TMEM131: variants seen among roughly 807,000 people sequenced by gnomAD.
TMEM131 encodes transmembrane protein 131, also known as 2610524E03Rik.
Under a neutral mutation model 211.6 loss-of-function variants are expected in TMEM131, and 66 were observed. The ratio of observed to expected loss-of-function variants is 0.31; its 90% confidence interval spans 0.26 to 0.38. The LOEUF (loss-of-function observed/expected upper bound fraction) is 0.38, where lower values mean the gene tolerates loss of function less well. Ranked by LOEUF, TMEM131 falls within the 10% of genes least tolerant of loss-of-function variation. The probability of loss-of-function intolerance (pLI) is 1.00; values close to 1 mark genes in which losing one functional copy is unlikely to be tolerated. For missense variants in TMEM131, 2,036 were observed against 2,299.3 expected, an observed-to-expected ratio of 0.89 and a Z score of 2.34; for synonymous variants, 844 against 841.3, an observed-to-expected ratio of 1.00 and a Z score of -0.06.
intron 1 of TMEM131, among the ~76,000 whole-genome samples, chr2:97,987,784 T>C (rs1461498041): frequency 6.6e-6 from 1 of 152,206 alleles, no homozygotes; most frequent in Non-Finnish European, 1.5e-5. Context: ...GAAAGATTTG[T>C]ACACTGAAAA....
chr2:97,932,185 T>G (rs1194173736), intron 1 of TMEM131, among the ~76,000 whole-genome samples: 1 of 151,868 alleles, frequency 6.6e-6, no homozygotes. Flanking sequence ...GAATTCAACA[T>G]TGTTAAATAC....
chr2:97,860,859 T>C (rs1025065876), intron 4 of TMEM131, among the ~76,000 whole-genome samples: 78 of 152,218 alleles, frequency 5.1e-4, no homozygotes, highest in African/African-American at 1.9e-3. Context: ...TTTAACTTCA[T>C]ATCACTGAAA....
intron 3 of TMEM131, among the ~76,000 whole-genome samples, chr2:97,891,382 G>C (rs371899049): frequency 2.0e-4 from 30 of 152,060 alleles, no homozygotes; most frequent in African/African-American, 6.5e-4. Flanking sequence ...AGTGTGCTGG[G>C]CTCACCCTTT....
chr2:97,760,904 T>C lies in TMEM131; in HGVS notation c.4900A>G (p.Ile1634Val), dbSNP rs1248342879. The part of the protein sequence containing the change: ...VNSSSSSDPK[I>V]KQPNGSKHKL... ...TGTTTGCTTCCATTTGGCTGTTTTATTTTAGGGTCACTTGAAAAAGAAGCA... is the reference window on the plus strand; with the variant it reads ...TGTTTGCTTCCATTTGGCTGTTTTACTTTAGGGTCACTTGAAAAAGAAGCA... Residue 1634 changes from isoleucine to valine, a missense_variant, in exon 37 of 41, where the codon ATA becomes GTA. By Grantham distance (29) the Ile-to-Val change is conservative. Around this residue, in one of 3 missense-constraint regions of TMEM131, gnomAD observed 1,623 missense variants for 1,805.9 expected, o/e 0.90. Coordinates refer to ENST00000186436, the MANE Select transcript of TMEM131 (RefSeq NM_015348.2). 20 of 1,613,872 alleles carry C rather than the reference T, an allele frequency of 1.2e-5. No individual in the cohort carries two copies. The East Asian group carries it at 4.5e-4, about 36-fold the overall frequency.
chr2:97,977,189 C>A (rs1310666611), intron 1 of TMEM131, among the ~76,000 whole-genome samples: 13 of 152,164 alleles, frequency 8.5e-5, no homozygotes, highest in Admixed American at 8.5e-4. Context: ...CAATTAAAAA[C>A]TTCTGCTCTT....
At chr2:97,771,781 T>C (rs1275778787) in intron 33 of TMEM131, among the ~76,000 whole-genome samples, 1 of 152,172 alleles carries the variant, frequency 6.6e-6, no homozygotes, top group Non-Finnish European at 1.5e-5. Context: ...TCCCATTCCA[T>C]GGGGAGGAAC....
chr2:97,977,960 G>A (rs1359756493), intron 1 of TMEM131, among the ~76,000 whole-genome samples: 8 of 152,040 alleles, frequency 5.3e-5, no homozygotes, highest in South Asian at 2.1e-4. Flanking sequence ...GGTGGGGGGC[G>A]CCTGCAATCC....
rs1468315490 is a variant in TMEM131, at chr2:97,796,954, A to G, written c.2903T>C (p.Val968Ala). ...NNLTVMDAVMVQGQGTTENLR... is the reference protein window; with the variant it reads ...NNLTVMDAVMAQGQGTTENLR... Reference sequence around the variant, plus strand: ...GTTCTCAGTTGTTCCTTGTCCTTGGACCATCACAGCATCCATCACAGTCAG... The same window carrying G: ...GTTCTCAGTTGTTCCTTGTCCTTGGGCCATCACAGCATCCATCACAGTCAG... Residue 968 changes from valine (V) to alanine (A), a missense_variant, in exon 27 of 41, where the codon GTC becomes GCC. Physicochemically the swap from Val to Ala is moderately conservative, Grantham distance 64. Coordinates refer to ENST00000186436, the MANE Select transcript of TMEM131 (RefSeq NM_015348.2). 3.7e-6 allele frequency: 6 copies of G among 1,613,832 alleles called. No individual in the cohort carries two copies. Among genetic ancestry groups the G allele is most frequent in the Non-Finnish European group, 5.1e-6 (6 of 1,179,870 alleles).
chr2:97,964,773 G>C (rs1298380296), intron 1 of TMEM131, among the ~76,000 whole-genome samples: 1 of 152,150 alleles, frequency 6.6e-6, no homozygotes, highest in Non-Finnish European at 1.5e-5. Context: ...CAAATCCTGG[G>C]AAGGAAGATA....
chr2:97,772,307 C>T lies in TMEM131; in HGVS notation c.4438G>A (p.Val1480Met), dbSNP rs374618967. The change falls in exon 33 of 41, where the codon GTG (valine) becomes ATG (methionine). Residue 1480 changes from valine (V) to methionine (M), a missense_variant. Coordinates refer to ENST00000186436, the MANE Select transcript of TMEM131 (RefSeq NM_015348.2). ...LNIKKEIPTD[V>M]KPSSLELPYT... Reference sequence around the variant, plus strand: ...ACTTATTTCTCTCACCTGGGTTTCACATCTGTTGGGATTTCTTTCTTAATA... The same window carrying T: ...ACTTATTTCTCTCACCTGGGTTTCATATCTGTTGGGATTTCTTTCTTAATA... The T allele has an allele frequency of 1.2e-6, 2 of 1,602,046 alleles. No individual in the cohort carries two copies. Among genetic ancestry groups the T allele is most frequent in the Non-Finnish European group, 1.7e-6 (2 of 1,177,280 alleles).
chr2:97,796,622 T>C (rs1202193874), intron 27 of TMEM131, among the ~76,000 whole-genome samples: 1 of 152,248 alleles, frequency 6.6e-6, no homozygotes, highest in Non-Finnish European at 1.5e-5. Flanking sequence ...CATTTCATAC[T>C]GAGAGTAAAT....
At chr2:97,855,351 C>T (rs571534309) in intron 5 of TMEM131, among the ~76,000 whole-genome samples, 5 of 152,278 alleles carry the variant, frequency 3.3e-5, no homozygotes, top group African/African-American at 7.2e-5. Context: ...TGCTTTATTC[C>T]GGCTCTTATT....
chr2:97,925,246 A>C (rs981161674), intron 2 of TMEM131, among the ~76,000 whole-genome samples: 1 of 152,222 alleles, frequency 6.6e-6, no homozygotes, highest in African/African-American at 2.4e-5. Context: ...CTTGTAAATG[A>C]AAGAATCTTT....
intron 4 of TMEM131, among the ~76,000 whole-genome samples, chr2:97,875,078 A>G (rs1389567929): frequency 2.0e-5 from 3 of 152,184 alleles, no homozygotes; most frequent in South Asian, 2.1e-4. Context: ...AATCTCTGAT[A>G]AAACAGACTT....
intron 5 of TMEM131, among the ~76,000 whole-genome samples, chr2:97,844,552 G>A (rs1683337312): frequency 6.6e-6 from 1 of 152,108 alleles, no homozygotes; most frequent in Admixed American, 6.6e-5. Flanking sequence ...GCTGTTCCAC[G>A]ATGAGACAAT....
chr2:97,767,203 T>C (rs1051282744), intron 33 of TMEM131, among the ~76,000 whole-genome samples: 1 of 152,236 alleles, frequency 6.6e-6, no homozygotes, highest in African/African-American at 2.4e-5. Context: ...AAATTAAATA[T>C]ATTTTTTATT....
intron 3 of TMEM131, 53 bp from the exon 4 acceptor site, chr2:97,888,173 C>A: frequency 6.8e-7 from 1 of 1,472,452 alleles, no homozygotes; most frequent in Non-Finnish European, 9.4e-7. Context: ...ATATATGTTT[C>A]CCCAAACTCT....
At chr2:97,973,357 G>A (rs532923677) in intron 1 of TMEM131, among the ~76,000 whole-genome samples, 7 of 152,274 alleles carry the variant, frequency 4.6e-5, no homozygotes, top group South Asian at 2.1e-4. Context: ...ATCAGTCAAC[G>A]AAGGACATGG....
intron 4 of TMEM131, among the ~76,000 whole-genome samples, chr2:97,878,820 C>A (rs1674802194): frequency 6.6e-6 from 1 of 152,182 alleles, no homozygotes; most frequent in African/African-American, 2.4e-5. Flanking sequence ...ACGTTCTGCA[C>A]ATATACCCCA....
Sources: allele counts gnomAD v4.1 joint callset (sites outside exome capture counted in the v4.1 genomes callset), GRCh38; gene constraint gnomAD v4.1.1; regional missense constraint gnomAD v4.1.1; transcripts MANE v1.5; gene names NCBI Gene and HGNC (gene_info 2026-07-23, HGNC 2026-07-21).